TRAM1: variants seen among roughly 807,000 people sequenced by gnomAD.
The protein encoded by TRAM1 is translocating chain-associated membrane protein 1.
In TRAM1, 17 loss-of-function variants were observed where a neutral mutation model predicts 48.7. The ratio of observed to expected loss-of-function variants is 0.35; its 90% CI spans 0.24 to 0.52. TRAM1 has a LOEUF of 0.52. TRAM1 is among the 20% of genes least tolerant of loss of function. TRAM1 has a pLI of 0.94. For missense variants in TRAM1, 351 were observed against 441.5 expected (o/e 0.79, Z 1.84); for synonymous variants, 182 against 154.0 (o/e 1.18, Z -1.34).
Position 70,608,107 on chromosome 8 carries a change from C to A in TRAM1, c.93G>T (p.Ala31=). ...ACATGAGCCCCAGCAGGAAGACCATCGCCACACAGGAGACGATGTCCGCGT... is the reference window on the plus strand; with the variant it reads ...ACATGAGCCCCAGCAGGAAGACCATAGCCACACAGGAGACGATGTCCGCGT... The part of the protein sequence containing the change: ...QNHADIVSCV[A]MVFLLGLMFE... The change falls in exon 1 of 11, where the codon GCG becomes GCT. Residue 31 remains alanine, a synonymous_variant. Transcript: ENST00000262213. 2 of 1,598,260 alleles carry A rather than the reference C, an allele frequency of 1.3e-6. No homozygotes were observed. The highest frequency in any genetic ancestry group is 1.7e-6 in the Non-Finnish European group (2 of 1,173,376).
chr8:70,588,489 C>A (rs971419460), intron 6 of TRAM1, among the ~76,000 whole-genome samples: 1 of 152,046 alleles, frequency 6.6e-6, no homozygotes, highest in Non-Finnish European at 1.5e-5. Context: ...ATTTGGGAAG[C>A]TGAGGCAGAA....
intron 8 of TRAM1, among the ~76,000 whole-genome samples, chr8:70,584,984 C>T (rs1011388529): frequency 1.3e-5 from 2 of 152,262 alleles, no homozygotes; most frequent in African/African-American, 4.8e-5. Context: ...CAATCCTAAG[C>T]CAAAAGAACA....
At chr8:70,583,416 CCA>C in intron 9 of TRAM1, 92 bp from the exon 10 acceptor site, 1 of 1,407,382 alleles carries the variant, frequency 7.1e-7, no homozygotes, top group East Asian at 2.5e-5. Flanking sequence ...GTAATAATTC[CCA>C]CTCAGTTGAG....
intron 10 of TRAM1, among the ~76,000 whole-genome samples, chr8:70,579,160 A>C (rs1249119762): frequency 6.6e-6 from 1 of 152,248 alleles, no homozygotes; most frequent in Non-Finnish European, 1.5e-5. Flanking sequence ...TATGAACATC[A>C]CAGAATGTAC....
intron 6 of TRAM1, among the ~76,000 whole-genome samples, chr8:70,593,753 A>T (rs1158792686): frequency 1.3e-5 from 2 of 152,200 alleles, no homozygotes. Flanking sequence ...GCAGAGAAAG[A>T]GGTCCCCGAG....
In TRAM1 at chr8:70,598,000, C is replaced by T. The variant is rs778728130; in HGVS notation, c.321G>A (p.Arg107=). ...IQEYMLDKIN[R]RMHFSKTKHS... The stretch of plus-strand genomic sequence containing the variant: ...GTTTTGTTTTGGAGAAGTGCATTCG[C>T]CTGTTAATTTTCTAAAAATAAAAAC... The change falls in exon 4 of 11, where the codon AGG becomes AGA. Residue 107 remains arginine (R), a synonymous_variant. Coordinates refer to ENST00000262213, the MANE Select transcript of TRAM1 (RefSeq NM_014294.6). The T allele has an allele frequency of 3.2e-6, 5 of 1,583,762 alleles. No homozygotes were observed. In the South Asian group the frequency reaches 6.0e-5, roughly 19 times the overall value.
chr8:70,575,243 C>T (rs1276057408), intron 10 of TRAM1, among the ~76,000 whole-genome samples: 1 of 152,074 alleles, frequency 6.6e-6, no homozygotes, highest in Non-Finnish European at 1.5e-5. Context: ...GCACAGAAAA[C>T]TATAAAGTCA....
intron 1 of TRAM1, 31 bp downstream of exon 1, chr8:70,608,046 G>A (rs769303163): frequency 3.2e-6 from 5 of 1,564,808 alleles, no homozygotes; most frequent in Non-Finnish European, 4.3e-6. Context: ...GAGGTGGCGG[G>A]GCAGGCGGTT....
At position 70,608,120 on chromosome 8, in the gene TRAM1, A is replaced by G; in HGVS notation, c.80T>C (p.Val27Ala). Residue 27 changes from valine (V) to alanine (A), a missense_variant, in exon 1 of 11, where the codon GTC becomes GCC. Physicochemically the swap from Val to Ala is moderately conservative, Grantham distance 64. Coordinates refer to ENST00000262213, the MANE Select transcript of TRAM1 (RefSeq NM_014294.6). Reference protein sequence around the residue: ...EFVLQNHADIVSCVAMVFLLG... With the variant: ...EFVLQNHADIASCVAMVFLLG... ...CAGGAAGACCATCGCCACACAGGAG[A>G]CGATGTCCGCGTGATTCTGCAGGAC... 1 of 1,599,892 alleles carries G rather than the reference A, an allele frequency of 6.3e-7. No homozygotes were observed. Among genetic ancestry groups the G allele is most frequent in the Non-Finnish European group, 8.5e-7 (1 of 1,174,068 alleles).
At chr8:70,576,069 T>TAAAAAA (rs1391722559) in intron 10 of TRAM1, among the ~76,000 whole-genome samples, 7 of 40,146 alleles carry the variant, frequency 1.7e-4, no homozygotes, top group African/African-American at 5.9e-4. Context: ...AGACTCCATC[T>TAAAAAA]AAAAAAAAAA....
chr8:70,584,595 C>A (rs1817163983), intron 8 of TRAM1, among the ~76,000 whole-genome samples: 1 of 152,180 alleles, frequency 6.6e-6, no homozygotes, highest in Non-Finnish European at 1.5e-5. Flanking sequence ...TCTCAGGATA[C>A]AAAATCGATG....
In TRAM1 at chr8:70,608,376, A is replaced by AG. The variant is rs1817804922; in HGVS notation, c.-178_-177insC. The AG allele has an allele frequency of 1.2e-5, 8 of 647,470 alleles. No homozygotes were observed. Among genetic ancestry groups the AG allele is most frequent in the Non-Finnish European group, 1.9e-5 (8 of 427,556 alleles). 40.1% of individuals were successfully genotyped at this position (647,470 alleles called of 1,614,324 possible). A position where few individuals can be genotyped will look rare whatever the true frequency, so the allele number is the denominator to read the frequency against. ...GCAGCCGCCGGGCCGCCCGGGGGAA[A>AG]AAAAAAAACACAACAGCTAGCCCGC... On this transcript the variant is annotated 5_prime_UTR_variant, in exon 1 of 11. Coordinates refer to ENST00000262213, the MANE Select transcript of TRAM1 (RefSeq NM_014294.6).
intron 10 of TRAM1, among the ~76,000 whole-genome samples, chr8:70,581,647 AAAACTTGCACCTAAATGTTC>A (rs1476453269): frequency 6.6e-6 from 1 of 152,236 alleles, no homozygotes; most frequent in African/African-American, 2.4e-5. Flanking sequence ...TGTTTGAACA[AAAACTTGCACCTAAATGTTC>A]ACAGCATCAC....
At chr8:70,588,380 G>GT (rs1817271686) in intron 6 of TRAM1, among the ~76,000 whole-genome samples, 1 of 152,218 alleles carries the variant, frequency 6.6e-6, no homozygotes, top group East Asian at 1.9e-4. Context: ...GAAGCCAGGC[G>GT]TTTGAGTCTA....
At chr8:70,583,466 C>G (rs1348261638) in intron 9 of TRAM1, 142 bp from the exon 10 acceptor site, 5 of 1,303,408 alleles carry the variant, frequency 3.8e-6, no homozygotes, top group Non-Finnish European at 5.2e-6. Flanking sequence ...ATAATTTATC[C>G]TAAAAGTTAA....
chr8:70,573,658 T>C lies in TRAM1; in HGVS notation c.*1274A>G, dbSNP rs1298114347. 1 of 152,566 alleles carries C rather than the reference T, an allele frequency of 6.6e-6. No homozygotes were observed. Among genetic ancestry groups the C allele is most frequent in the African/African-American group, 2.4e-5 (1 of 41,416 alleles). The allele number at this position is 152,566 out of a possible 1,614,324, so 9.5% of individuals were successfully genotyped here. On this transcript the variant is annotated 3_prime_UTR_variant, in exon 11 of 11. Coordinates refer to ENST00000262213, the MANE Select transcript of TRAM1 (RefSeq NM_014294.6). ...GCAGATCTAATAGGTCTGCAACTTT[T>C]ACACTAAAAATGGCACAAACAGCTG...
chr8:70,574,840 T>G lies in TRAM1; in HGVS notation c.*92A>C. 3.3e-6 allele frequency: 3 copies of G among 912,992 alleles called. No homozygotes were observed. The highest frequency in any genetic ancestry group is 5.1e-6 in the Non-Finnish European group (3 of 585,738). 56.6% of individuals were successfully genotyped at this position (912,992 alleles called of 1,614,324 possible). A position where few individuals can be genotyped will look rare whatever the true frequency, so the allele number is the denominator to read the frequency against. ...ATAGCAAAAATCAAAGAGCACAGAC[T>G]GTATTTTCAAGAACAGAAAAATCTC... On this transcript the variant is annotated 3_prime_UTR_variant, in exon 11 of 11. Coordinates refer to ENST00000262213, the MANE Select transcript of TRAM1 (RefSeq NM_014294.6).
chr8:70,585,958 A>G (rs2132030727), intron 8 of TRAM1, among the ~76,000 whole-genome samples: 1 of 150,686 alleles, frequency 6.6e-6, no homozygotes, highest in East Asian at 2.0e-4. Flanking sequence ...ATGCTGCTAT[A>G]AAGACACATG....
Position 70,602,785 on chromosome 8 carries a change from A to G in TRAM1, c.124-2703T>C, listed in dbSNP as rs547470907. Among the ~76,000 whole-genome samples, 57 of 152,324 alleles carry G rather than the reference A, an allele frequency of 3.7e-4. No individual in the cohort carries two copies. The South Asian group carries it at 0.012, about 32-fold the overall frequency. ...TTTCTCTGGGAATTGAGAGGCACCGAAAAGGCCAATAGTGGAGTAAAGATT... is the reference window on the plus strand; with the variant it reads ...TTTCTCTGGGAATTGAGAGGCACCGGAAAGGCCAATAGTGGAGTAAAGATT... On this transcript the variant is annotated intron_variant, in intron 1 of 10. Transcript: ENST00000262213.
Sources: allele counts gnomAD v4.1 joint callset (sites outside exome capture counted in the v4.1 genomes callset), GRCh38; gene constraint gnomAD v4.1.1; transcripts MANE v1.5; gene names NCBI Gene and HGNC (gene_info 2026-07-23, HGNC 2026-07-21).